Variants in ERC1 observed in about 807,000 individuals in gnomAD.
ERC1 encodes ELKS/RAB6-interacting/CAST family member 1, also known as RAB6 interacting protein 2.
Under a neutral mutation model 132.0 loss-of-function variants are expected in ERC1, and 56 were observed. That is an observed-to-expected ratio of 0.42 (90% confidence interval 0.34 to 0.53). The LOEUF is 0.53. ERC1 is among the 20% of genes least tolerant of loss of function. The pLI is 0.03. For missense variants in ERC1, 1,202 were observed against 1,349.9 expected, an observed-to-expected ratio of 0.89 and a Z score of 1.72; for synonymous variants, 478 against 476.1, an observed-to-expected ratio of 1.00 and a Z score of -0.05.
intron 14 of ERC1, among the ~76,000 whole-genome samples, chr12:1,281,952 GT>G (rs2154336794): frequency 6.6e-6 from 1 of 152,116 alleles, no homozygotes; most frequent in South Asian, 2.1e-4. Context: ...ACATTTTATT[GT>G]GTCTTATTTT....
At chr12:1,029,496 G>A (rs933123727) in intron 2 of ERC1, among the ~76,000 whole-genome samples, 1 of 152,136 alleles carries the variant, frequency 6.6e-6, no homozygotes, top group African/African-American at 2.4e-5. Context: ...TGGAGGAAAG[G>A]CAACTTGGTG....
intron 2 of ERC1, among the ~76,000 whole-genome samples, chr12:1,062,817 G>A (rs1036362223): frequency 2.0e-5 from 3 of 152,120 alleles, no homozygotes; most frequent in Middle Eastern, 3.2e-3. Flanking sequence ...GGTGAAGTCC[G>A]CAATTATTCT....
chr12:1,077,425 A>G (rs1052988279), intron 2 of ERC1, among the ~76,000 whole-genome samples: 1 of 152,206 alleles, frequency 6.6e-6, no homozygotes, highest in Non-Finnish European at 1.5e-5. Flanking sequence ...CAGATATCTA[A>G]TTGTTGTAAT....
rs148501567 is a variant in ERC1, at chr12:1,321,352, C to T, written c.2780+31340C>T. On this transcript the variant is annotated intron_variant, in intron 15 of 18. Transcript: ENST00000360905. Reference sequence around the variant, plus strand: ...TGTGTGTGTGTGTGTGTATATTTTGCTCTATATTGTGCCATATGTGGCACA... The same window carrying T: ...TGTGTGTGTGTGTGTGTATATTTTGTTCTATATTGTGCCATATGTGGCACA... Among the ~76,000 whole-genome samples, 7 of 147,834 alleles carry T rather than the reference C, an allele frequency of 4.7e-5. No individual in the cohort carries two copies. The East Asian group carries it at 1.2e-3, about 25-fold the overall frequency.
chr12:1,205,993 T>G (rs965899641), intron 12 of ERC1, among the ~76,000 whole-genome samples: 2 of 152,264 alleles, frequency 1.3e-5, no homozygotes, highest in African/African-American at 4.8e-5. Flanking sequence ...ACAGGTTATA[T>G]TAATTGTAAT....
intron 13 of ERC1, among the ~76,000 whole-genome samples, chr12:1,253,501 A>C (rs776132188): frequency 3.3e-5 from 5 of 151,898 alleles, no homozygotes; most frequent in Non-Finnish European, 5.9e-5. Flanking sequence ...ACATGTAGAA[A>C]CCTTATCTCT....
intron 17 of ERC1, among the ~76,000 whole-genome samples, chr12:1,415,750 CAAGG>C (rs1161927802): frequency 6.6e-6 from 1 of 152,112 alleles, no homozygotes; most frequent in Non-Finnish European, 1.5e-5. Context: ...ATATGACAGA[CAAGG>C]AAGAATTCGA....
chr12:1,125,902 A>G (rs540196483), intron 7 of ERC1, among the ~76,000 whole-genome samples: 2 of 152,348 alleles, frequency 1.3e-5, no homozygotes, highest in East Asian at 1.9e-4. Flanking sequence ...CAAAAAGACA[A>G]ATACTACATA....
chr12:1,247,801 A>G (rs1048471831), intron 13 of ERC1, among the ~76,000 whole-genome samples: 1 of 152,176 alleles, frequency 6.6e-6, no homozygotes, highest in African/African-American at 2.4e-5. Context: ...GTTCAAGACC[A>G]GCATGACCAA....
intron 8 of ERC1, among the ~76,000 whole-genome samples, chr12:1,151,658 T>G (rs1199395879): frequency 6.6e-6 from 1 of 152,246 alleles, no homozygotes; most frequent in Non-Finnish European, 1.5e-5. Context: ...CACTTTTCTA[T>G]GTGAATTATA....
chr12:1,447,029 GAAA>G (rs761299655), intron 18 of ERC1, among the ~76,000 whole-genome samples: 2 of 101,420 alleles, frequency 2.0e-5, no homozygotes, highest in Non-Finnish European at 2.2e-5. Flanking sequence ...TCTCTAAAAC[GAAA>G]AAAAAAAAAA....
intron 7 of ERC1, among the ~76,000 whole-genome samples, chr12:1,134,707 A>G (rs1566051324): frequency 6.6e-6 from 1 of 150,494 alleles, no homozygotes; most frequent in African/African-American, 2.4e-5. Flanking sequence ...TAAAAACTCA[A>G]TAATTGGGGG....
chr12:1,418,500 A>G (rs2092233159), intron 17 of ERC1, among the ~76,000 whole-genome samples: 1 of 152,142 alleles, frequency 6.6e-6, no homozygotes, highest in Admixed American at 6.5e-5. Context: ...TTGTCCTCAA[A>G]TCAATTTCTC....
chr12:1,125,508 A>G (rs966160388), intron 7 of ERC1, among the ~76,000 whole-genome samples: 1 of 152,086 alleles, frequency 6.6e-6, no homozygotes, highest in South Asian at 2.1e-4. Flanking sequence ...ATTCTTCTGC[A>G]TTTCCAATTA....
intron 2 of ERC1, among the ~76,000 whole-genome samples, chr12:1,077,126 A>C (rs1230397647): frequency 6.6e-6 from 1 of 152,190 alleles, no homozygotes; most frequent in East Asian, 1.9e-4. Context: ...AGGGTACAAT[A>C]CTGGTGTTTT....
At chr12:1,202,372 GT>G (rs1956990930) in intron 12 of ERC1, among the ~76,000 whole-genome samples, 2 of 152,104 alleles carry the variant, frequency 1.3e-5, no homozygotes, top group Non-Finnish European at 2.9e-5. Flanking sequence ...AAGAGTTACA[GT>G]TTAGCCGGAC....
At chr12:1,470,382 T>C (rs574327607) in intron 18 of ERC1, among the ~76,000 whole-genome samples, 47 of 152,218 alleles carry the variant, frequency 3.1e-4, no homozygotes, top group African/African-American at 9.9e-4. Flanking sequence ...AACAAAGCCT[T>C]GTTCTTACCA....
chr12:1,003,096 C>CAAAAAAAAAAAAAAAAAAAACTCAAAAA (rs59507923), intron 1 of ERC1, among the ~76,000 whole-genome samples: 1 of 86,922 alleles, frequency 1.2e-5, no homozygotes, highest in African/African-American at 5.2e-5. Flanking sequence ...ATGAAAAATG[C>CAAAAAAAAAAAAAAAAAAAACTCAAAAA]AAAAAAAAAA....
intron 15 of ERC1, among the ~76,000 whole-genome samples, chr12:1,369,478 C>T (rs902661664): frequency 3.3e-5 from 5 of 152,182 alleles, no homozygotes; most frequent in African/African-American, 1.2e-4. Flanking sequence ...CTGTCATTCA[C>T]CTGCTGCTGC....
Sources: allele counts gnomAD v4.1 joint callset (sites outside exome capture counted in the v4.1 genomes callset), GRCh38; gene constraint gnomAD v4.1.1; transcripts MANE v1.5; gene names NCBI Gene and HGNC (gene_info 2026-07-23, HGNC 2026-07-21).